ANO10: variants seen among roughly 807,000 people sequenced by gnomAD.
The protein encoded by ANO10 is anoctamin 10.
ANO10 carries 77 observed loss-of-function variants against 74.7 expected under a neutral mutation model. The ratio of observed to expected loss-of-function variants is 1.03; its 90% CI spans 0.86 to 1.25. The LOEUF (loss-of-function observed/expected upper bound fraction) is 1.25, where lower values mean the gene tolerates loss of function less well. ANO10 is among the 50% of genes most tolerant of loss of function. The pLI is 0.00. For missense variants in ANO10, 721 were observed against 778.1 expected (o/e 0.93, Z 0.87); for synonymous variants, 279 against 284.9 (o/e 0.98, Z 0.21).
intron 11 of ANO10, among the ~76,000 whole-genome samples, chr3:43,501,766 T>C (rs1308695515): frequency 6.6e-6 from 1 of 152,134 alleles, no homozygotes; most frequent in East Asian, 1.9e-4. Flanking sequence ...CAGGGATTGG[T>C]GGAAAGAAAT....
At chr3:43,382,028 G>A (rs2091973529) in intron 12 of ANO10, among the ~76,000 whole-genome samples, 1 of 152,190 alleles carries the variant, frequency 6.6e-6, no homozygotes, top group African/African-American at 2.4e-5. Flanking sequence ...GAATAATAGT[G>A]ACACGACCTA....
intron 12 of ANO10, among the ~76,000 whole-genome samples, chr3:43,384,699 G>A (rs529003654): frequency 6.6e-5 from 10 of 152,244 alleles, no homozygotes; most frequent in South Asian, 4.1e-4. Context: ...AATGGTGGTC[G>A]GATAATTGGT....
intron 12 of ANO10, among the ~76,000 whole-genome samples, chr3:43,395,549 T>C (rs1241634684): frequency 2.0e-5 from 3 of 152,246 alleles, no homozygotes; most frequent in African/African-American, 7.2e-5. Context: ...GACTATTCTC[T>C]ACTGCATGGT....
chr3:43,375,320 C>T (rs867690583), intron 12 of ANO10, among the ~76,000 whole-genome samples: 11 of 151,798 alleles, frequency 7.2e-5, no homozygotes, highest in African/African-American at 1.2e-4. Context: ...TGGTGGCGGG[C>T]GCCTGTAATC....
chr3:43,623,516 A>G (rs201968277), upstream of ANO10, among the ~76,000 whole-genome samples: 20 of 152,350 alleles, frequency 1.3e-4, no homozygotes, highest in East Asian at 3.9e-3. Context: ...GGTCCATAGC[A>G]GACAAGCAAT....
intron 6 of ANO10, among the ~76,000 whole-genome samples, chr3:43,576,111 C>G (rs2080981583): frequency 6.6e-6 from 1 of 152,232 alleles, no homozygotes. Context: ...TAAACACCTG[C>G]CTTCAATGAA....
chr3:43,452,358 A>C (rs1001884051), intron 11 of ANO10, among the ~76,000 whole-genome samples: 1 of 152,194 alleles, frequency 6.6e-6, no homozygotes, highest in African/African-American at 2.4e-5. Context: ...TATCTCCCGT[A>C]GGCAACCACC....
chr3:43,605,824 G>A lies in ANO10; in HGVS notation c.29C>T (p.Thr10Ile). The A allele has an allele frequency of 1.2e-6, 2 of 1,613,710 alleles. No individual in the cohort carries two copies. Among genetic ancestry groups the A allele is most frequent in the East Asian group, 2.2e-5 (1 of 44,860 alleles). The change falls in exon 2 of 13, where the codon ACT (threonine) becomes ATT (isoleucine). Residue 10 changes from threonine to isoleucine, a missense_variant. Thr to Ile is a moderately conservative substitution (Grantham distance 89, BLOSUM62 -1). Transcript: ENST00000292246. ...CAAAGGTGTGAAAGAACTCTCAGAA[G>A]TATCCAAAGCTGATAAGGTCACTTT... MKVTLSALD[T>I]SESSFTPLVV...
intron 11 of ANO10, among the ~76,000 whole-genome samples, chr3:43,524,419 G>T (rs13075520): frequency 0.23 from 33,721 of 149,506 alleles, 4,272 homozygotes; most frequent in Middle Eastern, 0.36. Context: ...AGTGGTAATT[G>T]CAGCATGCCT....
intron 9 of ANO10, among the ~76,000 whole-genome samples, chr3:43,557,229 G>A (rs1202066606): frequency 6.6e-6 from 1 of 151,514 alleles, no homozygotes; most frequent in Non-Finnish European, 1.5e-5. Flanking sequence ...CCACAAAATG[G>A]GCAACCAGAC....
At chr3:43,527,083 C>T (rs1322461457) in intron 11 of ANO10, among the ~76,000 whole-genome samples, 1 of 134,294 alleles carries the variant, frequency 7.4e-6, no homozygotes, top group Non-Finnish European at 1.7e-5. Context: ...TATTTAGTGG[C>T]TTGGGGCAAA....
chr3:43,531,667 G>GCAGATCACTT (rs1174338629), intron 11 of ANO10, among the ~76,000 whole-genome samples: 1 of 152,274 alleles, frequency 6.6e-6, no homozygotes, highest in African/African-American at 2.4e-5. Flanking sequence ...GCTGAGGTGG[G>GCAGATCACTT]CAGATCACTT....
intron 1 of ANO10, among the ~76,000 whole-genome samples, chr3:43,677,347 G>C (rs891124659): frequency 6.6e-6 from 1 of 152,198 alleles, no homozygotes; most frequent in Non-Finnish European, 1.5e-5. Context: ...TCAGGAGTTT[G>C]AGACCAGCCT....
chr3:43,425,268 A>G (rs1047210325), intron 12 of ANO10, among the ~76,000 whole-genome samples: 1 of 143,936 alleles, frequency 6.9e-6, no homozygotes, highest in African/African-American at 2.6e-5. Context: ...GTCTCAAGCT[A>G]TCTGTCTGCC....
chr3:43,691,053 G>T, intron 1 of ANO10: 1 of 1,545,830 alleles, frequency 6.5e-7, no homozygotes, highest in South Asian at 1.2e-5. Flanking sequence ...AGCGCAGCCG[G>T]CAGGGGGCTT....
intron 12 of ANO10, among the ~76,000 whole-genome samples, chr3:43,395,409 T>G (rs992614640): frequency 1.3e-5 from 2 of 152,220 alleles, no homozygotes; most frequent in Admixed American, 1.3e-4. Context: ...ATATTTTATC[T>G]TTTTTTCTGG....
At chr3:43,665,825 T>C (rs1450833846) in intron 1 of ANO10, among the ~76,000 whole-genome samples, 2 of 152,244 alleles carry the variant, frequency 1.3e-5, no homozygotes, top group East Asian at 3.8e-4. Context: ...ATGCTCTCAT[T>C]GTATGCAACG....
chr3:43,467,346 A>G (rs1473323328), intron 11 of ANO10, among the ~76,000 whole-genome samples: 7 of 152,234 alleles, frequency 4.6e-5, no homozygotes, highest in Admixed American at 4.6e-4. Context: ...AACAACCCAA[A>G]TGTTCATTAA....
intron 1 of ANO10, among the ~76,000 whole-genome samples, chr3:43,619,084 G>A (rs184091174): frequency 6.6e-6 from 1 of 152,336 alleles, no homozygotes; most frequent in East Asian, 1.9e-4. Context: ...GATTACAGGC[G>A]TGAGCCACCG....
Sources: gnomAD v4.1 joint callset for allele counts (sites outside exome capture counted in the v4.1 genomes callset) on GRCh38, gnomAD v4.1.1 for gene constraint, MANE v1.5 for transcripts, NCBI Gene and HGNC (gene_info 2026-07-23, HGNC 2026-07-21) for gene names.